EMC3: variants seen among roughly 807,000 people sequenced by gnomAD.
EMC3 encodes the protein ER membrane protein complex subunit 3, also known as 30 kDa protein.
A neutral mutation model predicts 36.6 loss-of-function variants in EMC3; 13 were observed. That is an observed-to-expected ratio of 0.35 (90% CI 0.23 to 0.56). EMC3 has a LOEUF of 0.56. EMC3 is among the 20% of genes least tolerant of loss of function. EMC3 has a pLI of 0.84. For missense variants in EMC3, 220 were observed against 324.5 expected, an observed-to-expected ratio of 0.68 and a Z score of 2.47; for synonymous variants, 120 against 111.9, an observed-to-expected ratio of 1.07 and a Z score of -0.46.
intron 1 of EMC3, among the ~76,000 whole-genome samples, chr3:9,992,346 G>A (rs6443277): frequency 0.025 from 3,744 of 152,006 alleles, 170 homozygotes; most frequent in African/African-American, 0.086. Flanking sequence ...GGCTGGTCTC[G>A]AACTCCTAAC....
At chr3:9,990,552 T>A (rs959621163), upstream of EMC3, among the ~76,000 whole-genome samples, 2 of 151,836 alleles carry the variant, frequency 1.3e-5, no homozygotes, top group Non-Finnish European at 2.9e-5. Flanking sequence ...CTCTTTTGCC[T>A]AGGCTATAGT....
Position 10,003,327 on chromosome 3 carries a change from T to C in EMC3, c.-242+7696A>G, listed in dbSNP as rs139986037. The C allele has an allele frequency of 5.3e-3, 2,193 of 414,012 alleles. 38 individuals carry two copies. Among genetic ancestry groups the C allele is most frequent in the East Asian group, 0.024 (338 of 14,020 alleles). The allele number at this position is 414,012 out of a possible 1,614,324, so 25.6% of individuals were successfully genotyped here. On this transcript the variant is annotated intron_variant, in intron 1 of 8. Transcript: ENST00000470827. ...AGGGCTGCCAGGGGATGCACTTCCA[T>C]TGTATTAAAATGTTTTTGCCTGTGT...
At chr3:9,999,969 A>G (rs1361110195) in intron 1 of EMC3, among the ~76,000 whole-genome samples, 4 of 152,328 alleles carry the variant, frequency 2.6e-5, no homozygotes, top group African/African-American at 9.6e-5. Flanking sequence ...ATATATTCAC[A>G]TAACCAGTTA....
intron 1 of EMC3, chr3:10,007,758 T>C: frequency 1.1e-6 from 1 of 912,552 alleles, no homozygotes. Flanking sequence ...AGGAGCTTCC[T>C]TGTGGGTTCC....
chr3:10,003,549 CTGGACACCA>C, intron 1 of EMC3: 1 of 282,448 alleles, frequency 3.5e-6, no homozygotes. Flanking sequence ...CTGTAAAATC[CTGGACACCA>C]TTGGCCGTGG....
At chr3:9,998,092 C>T (rs1275355508) in intron 1 of EMC3, among the ~76,000 whole-genome samples, 2 of 151,892 alleles carry the variant, frequency 1.3e-5, no homozygotes, top group Admixed American at 6.6e-5. Flanking sequence ...TATGGCCGGG[C>T]GCAGTGGCTC....
intron 1 of EMC3, chr3:10,007,001 C>T: frequency 3.5e-6 from 1 of 282,740 alleles, no homozygotes; most frequent in Non-Finnish European, 7.0e-6. Context: ...CCGGTTCTTG[C>T]AAATCTTGTA....
intron 1 of EMC3, chr3:10,008,896 GGT>G (rs2086293498): frequency 5.7e-6 from 1 of 174,520 alleles, no homozygotes; most frequent in Non-Finnish European, 1.2e-5. Context: ...TCAAGCCCGA[GGT>G]GTGTCTGCAG....
intron 6 of EMC3, 77 bp from the exon 7 acceptor site, chr3:9,969,878 A>C: frequency 6.3e-7 from 1 of 1,575,614 alleles, no homozygotes; most frequent in Non-Finnish European, 8.6e-7. Context: ...AATGGGCTTC[A>C]CACAGATTAG....
upstream of EMC3, among the ~76,000 whole-genome samples, chr3:9,990,149 C>T (rs374912040): frequency 2.6e-4 from 40 of 151,360 alleles, no homozygotes; most frequent in African/African-American, 8.0e-4. Context: ...CTCAGCCTCC[C>T]GAGTAGCTGG....
At chr3:9,997,095 C>T (rs2086135297) in intron 1 of EMC3, among the ~76,000 whole-genome samples, 1 of 152,182 alleles carries the variant, frequency 6.6e-6, no homozygotes, top group Non-Finnish European at 1.5e-5. Flanking sequence ...ATCTTCCTCT[C>T]CCCAGCCCCT....
At chr3:9,978,484 A>G (rs1361469022) in intron 1 of EMC3, among the ~76,000 whole-genome samples, 1 of 152,128 alleles carries the variant, frequency 6.6e-6, no homozygotes, top group Non-Finnish European at 1.5e-5. Context: ...AGTAATGGAA[A>G]TAGTCTTGAA....
At chr3:9,970,073 T>C (rs1215368486) in intron 6 of EMC3, among the ~76,000 whole-genome samples, 4 of 152,258 alleles carry the variant, frequency 2.6e-5, no homozygotes, top group Non-Finnish European at 5.9e-5. Flanking sequence ...AACTACTGCA[T>C]GCCAAGTACT....
At chr3:9,991,381 AATC>A (rs2086050176), upstream of EMC3, among the ~76,000 whole-genome samples, 1 of 152,172 alleles carries the variant, frequency 6.6e-6, no homozygotes, top group Non-Finnish European at 1.5e-5. Context: ...CCTCAGGGGT[AATC>A]ATCCTTCCAA....
At chr3:9,965,211 AGCCTGG>A (rs373068676) in intron 7 of EMC3, among the ~76,000 whole-genome samples, 1 of 152,152 alleles carries the variant, frequency 6.6e-6, no homozygotes, top group African/African-American at 2.4e-5. Context: ...GTTCAAGACC[AGCCTGG>A]GCAACACAGC....
At chr3:9,981,451 C>G (rs766943439) in intron 1 of EMC3, among the ~76,000 whole-genome samples, 1 of 152,164 alleles carries the variant, frequency 6.6e-6, no homozygotes, top group Non-Finnish European at 1.5e-5. Flanking sequence ...CTTTCTTAAG[C>G]TGAGATCCAT....
intron 1 of EMC3, among the ~76,000 whole-genome samples, chr3:9,995,163 T>C (rs2086107926): frequency 6.6e-6 from 1 of 152,164 alleles, no homozygotes; most frequent in African/African-American, 2.4e-5. Flanking sequence ...CTAAGACATT[T>C]CTGGACCCTC....
chr3:9,977,572 C>A, intron 1 of EMC3, 126 bp from the exon 2 acceptor site: 1 of 704,698 alleles, frequency 1.4e-6, no homozygotes, highest in Non-Finnish European at 2.3e-6. Flanking sequence ...TGTGTGGAAA[C>A]TTCCCAAAAT....
rs1250656649 is a variant in EMC3 at position 9,963,157 on chromosome 3, C to T, written c.*912G>A. On this transcript the variant is annotated 3_prime_UTR_variant, in exon 8 of 8. Transcript: ENST00000245046. ...AGTCTGTCCTGACCCTGGGTATTCA[C>T]TCTGAAGAGAGTTTATTTGAATAAG... 1 of 152,154 alleles carries T rather than the reference C, an allele frequency of 6.6e-6. No homozygotes were observed. The highest frequency in any genetic ancestry group is 2.4e-5 in the African/African-American group (1 of 41,430). 9.4% of individuals were successfully genotyped at this position (152,154 alleles called of 1,614,324 possible).
Sources: gnomAD v4.1 joint callset for allele counts (sites outside exome capture counted in the v4.1 genomes callset) on GRCh38, gnomAD v4.1.1 for gene constraint, MANE v1.5 for transcripts, NCBI Gene and HGNC (gene_info 2026-07-23, HGNC 2026-07-21) for gene names.